The following IQCJ variants were observed in gnomAD, a reference collection of about 807,000 sequenced individuals.
The protein encoded by IQCJ is IQ motif containing J.
Under a neutral mutation model 11.0 loss-of-function variants are expected in IQCJ, and 9 were observed. The observed-to-expected ratio is 0.82, with a 90% CI of 0.49 to 1.43. IQCJ has a LOEUF of 1.43. IQCJ is among the 40% of genes most tolerant of loss of function. The pLI, the probability that IQCJ is intolerant of heterozygous loss-of-function variation, is 0.00. For synonymous variants in IQCJ, 55 were observed against 51.3 expected (o/e 1.07, Z -0.31); for missense variants, 146 against 133.2 (o/e 1.10, Z -0.47).
intron 1 of IQCJ, among the ~76,000 whole-genome samples, chr3:159,195,695 G>T (rs1490083220): frequency 6.6e-6 from 1 of 152,198 alleles, no homozygotes; most frequent in African/African-American, 2.4e-5. Context: ...TCCTGGTATA[G>T]ACCAGCTTAA....
At chr3:159,116,636 A>G (rs1459384724) in intron 1 of IQCJ, among the ~76,000 whole-genome samples, 4 of 34,046 alleles carry the variant, frequency 1.2e-4, no homozygotes, top group African/African-American at 5.6e-4. Flanking sequence ...ATATATATAT[A>G]TATATATATA....
At chr3:159,151,881 A>G (rs533059381) in intron 1 of IQCJ, among the ~76,000 whole-genome samples, 2 of 152,310 alleles carry the variant, frequency 1.3e-5, no homozygotes, top group South Asian at 2.1e-4. Context: ...TGATCCGCCC[A>G]CCTTGGCCTC....
chr3:159,088,023 T>C (rs1039967584), intron 1 of IQCJ, among the ~76,000 whole-genome samples: 21 of 152,114 alleles, frequency 1.4e-4, no homozygotes, highest in Non-Finnish European at 2.8e-4. Context: ...GGTGTCAATT[T>C]TAGATCTTTC....
chr3:159,085,691 T>C (rs991374056), intron 1 of IQCJ, among the ~76,000 whole-genome samples: 60 of 151,808 alleles, frequency 4.0e-4, no homozygotes, highest in Non-Finnish European at 7.1e-4. Flanking sequence ...TTTTTTCATG[T>C]GTTTTTTGGC....
At chr3:159,256,904 T>C (rs1249401899) in intron 3 of IQCJ, among the ~76,000 whole-genome samples, 1 of 152,206 alleles carries the variant, frequency 6.6e-6, no homozygotes, top group Non-Finnish European at 1.5e-5. Context: ...CTAAGTAATT[T>C]ACATACATTA....
At chr3:159,245,167 G>A (rs1274549347) in intron 1 of IQCJ, among the ~76,000 whole-genome samples, 2 of 152,072 alleles carry the variant, frequency 1.3e-5, no homozygotes, top group African/African-American at 2.4e-5. Context: ...AGGTTGCCAC[G>A]AGTTACTAAG....
At chr3:159,178,343 T>G in intron 1 of IQCJ, among the ~76,000 whole-genome samples, 1 of 152,170 alleles carries the variant, frequency 6.6e-6, no homozygotes, top group Non-Finnish European at 1.5e-5. Context: ...TCGACTTGAC[T>G]GACAACCACT....
chr3:159,149,612 G>T (rs1272356078), intron 1 of IQCJ, among the ~76,000 whole-genome samples: 1 of 152,148 alleles, frequency 6.6e-6, no homozygotes, highest in African/African-American at 2.4e-5. Flanking sequence ...TGATATTCCT[G>T]GGAAAGCCTT....
chr3:159,154,210 G>C (rs747288514), intron 1 of IQCJ, among the ~76,000 whole-genome samples: 2 of 152,116 alleles, frequency 1.3e-5, no homozygotes, highest in South Asian at 4.1e-4. Flanking sequence ...TTCACACTTA[G>C]ATTGCTTCAT....
At chr3:159,074,267 G>A (rs78712118) in intron 1 of IQCJ, among the ~76,000 whole-genome samples, 2,334 of 152,062 alleles carry the variant, frequency 0.015, 68 homozygotes, top group African/African-American at 0.053. Flanking sequence ...GCTATTCCAG[G>A]TGAGAAGAAA....
At chr3:159,073,206 C>T (rs1032184766) in intron 1 of IQCJ, among the ~76,000 whole-genome samples, 7 of 152,054 alleles carry the variant, frequency 4.6e-5, no homozygotes, top group Admixed American at 3.9e-4. Flanking sequence ...CTGGGGGCTC[C>T]CCGAAAGAGC....
intron 1 of IQCJ, among the ~76,000 whole-genome samples, chr3:159,215,372 C>T (rs1467152426): frequency 1.3e-5 from 2 of 152,146 alleles, no homozygotes; most frequent in African/African-American, 2.4e-5. Flanking sequence ...AGGTGAAGGT[C>T]AGAAAGTTCT....
chr3:159,212,410 G>A (rs879884221), intron 1 of IQCJ, among the ~76,000 whole-genome samples: 1 of 152,154 alleles, frequency 6.6e-6, no homozygotes, highest in African/African-American at 2.4e-5. Context: ...AAGATGAAAT[G>A]AATTAAATGT....
At chr3:159,116,079 TA>T (rs1453732765) in intron 1 of IQCJ, among the ~76,000 whole-genome samples, 1 of 152,042 alleles carries the variant, frequency 6.6e-6, no homozygotes, top group African/African-American at 2.4e-5. Context: ...TAATTAAAAA[TA>T]AATAAATACT....
chr3:159,157,073 C>CA (rs1329326571), intron 1 of IQCJ, among the ~76,000 whole-genome samples: 4 of 152,172 alleles, frequency 2.6e-5, no homozygotes, highest in Non-Finnish European at 5.9e-5. Flanking sequence ...GATTTACCTT[C>CA]TTAATTGTGT....
intron 1 of IQCJ, among the ~76,000 whole-genome samples, chr3:159,191,983 C>A (rs1036651223): frequency 6.6e-6 from 1 of 152,234 alleles, no homozygotes; most frequent in African/African-American, 2.4e-5. Flanking sequence ...CCCTTCCATA[C>A]ATTTTCATCA....
At chr3:159,245,683 C>T (rs990853336) in intron 1 of IQCJ, among the ~76,000 whole-genome samples, 160 bp from the exon 2 acceptor site, 45 of 151,998 alleles carry the variant, frequency 3.0e-4, no homozygotes, top group Admixed American at 9.8e-4. Context: ...AGGATGGTCT[C>T]GATCTCCTGA....
chr3:159,197,099 C>T (rs1045209771), intron 1 of IQCJ, among the ~76,000 whole-genome samples: 6 of 152,032 alleles, frequency 3.9e-5, no homozygotes, highest in African/African-American at 1.2e-4. Flanking sequence ...TCCTTTGCCA[C>T]TTGTATGTAA....
At chr3:159,105,611 G>A (rs1015043246) in intron 1 of IQCJ, among the ~76,000 whole-genome samples, 16 of 152,102 alleles carry the variant, frequency 1.1e-4, no homozygotes, top group African/African-American at 3.6e-4. Flanking sequence ...TGTTTGGTCA[G>A]GACATTTGAA....
Sources: allele counts gnomAD v4.1 joint callset (sites outside exome capture counted in the v4.1 genomes callset), GRCh38; gene constraint gnomAD v4.1.1; transcripts MANE v1.5; gene names NCBI Gene and HGNC (gene_info 2026-07-23, HGNC 2026-07-21).